NXPE4: variants seen among roughly 807,000 people sequenced by gnomAD.
NXPE4 encodes neurexophilin and PC-esterase domain family member 4, also known as NXPE family member 4.
In NXPE4, 42 loss-of-function variants were observed where a neutral mutation model predicts 33.3. The ratio of observed to expected loss-of-function variants is 1.26; its 90% CI spans 0.98 to 1.63. NXPE4 has a LOEUF of 1.63. Among genes scored for constraint, NXPE4 ranks in the 40% most tolerant of loss-of-function variants. The pLI, the probability that NXPE4 is intolerant of heterozygous loss-of-function variation, is 0.00. For synonymous variants in NXPE4, 253 were observed against 234.9 expected (o/e 1.08, Z -0.71); for missense variants, 709 against 647.6 (o/e 1.09, Z -1.03).
At chr11:114,655,742 A>G in the NXPE4 span, among the ~76,000 whole-genome samples, 1 of 152,058 alleles carries the variant, frequency 6.6e-6, no homozygotes, top group Non-Finnish European at 1.5e-5. Context: ...GTAAAATTCA[A>G]CATCTCTTCA....
At position 114,581,753 on chromosome 11, in the gene NXPE4, G is replaced by C; in HGVS notation, c.864C>G (p.Phe288Leu). The C allele has an allele frequency of 6.2e-7, 1 of 1,611,708 alleles. No individual in the cohort carries two copies. The highest frequency in any genetic ancestry group is 8.5e-7 in the Non-Finnish European group (1 of 1,178,850). The change falls in exon 4 of 6, where the codon TTC (phenylalanine) becomes TTG (leucine). Residue 288 changes from phenylalanine (F) to leucine (L), a missense_variant. By Grantham distance (22) the Phe-to-Leu change is conservative. Coordinates refer to ENST00000375478, the MANE Select transcript of NXPE4 (RefSeq NM_001077639.2). ...SNVGVEIMEK[F>L]NTISVSKCNK... Reference sequence around the variant, plus strand: ...TGCATTTGGAGACACTAATTGTATTGAATTTTTCCATAATCTCTACACCCA... The same window carrying C: ...TGCATTTGGAGACACTAATTGTATTCAATTTTTCCATAATCTCTACACCCA...
the NXPE4 span, among the ~76,000 whole-genome samples, chr11:114,638,258 G>A: frequency 2.0e-5 from 3 of 151,956 alleles, no homozygotes; most frequent in African/African-American, 4.8e-5. Flanking sequence ...GATCACATCA[G>A]CTCCTGAGGC....
chr11:114,619,202 A>G, the NXPE4 span, among the ~76,000 whole-genome samples: 2 of 148,714 alleles, frequency 1.3e-5, no homozygotes, highest in East Asian at 2.0e-4. Context: ...GATAATAAGT[A>G]TTGCCTCTAG....
the NXPE4 span, among the ~76,000 whole-genome samples, chr11:114,619,047 T>C: frequency 3.9e-5 from 6 of 152,124 alleles, no homozygotes; most frequent in Admixed American, 1.3e-4. Context: ...GCCTCATGGG[T>C]AACCACTGTT....
chr11:114,604,906 G>A, the NXPE4 span, among the ~76,000 whole-genome samples: 1 of 151,962 alleles, frequency 6.6e-6, no homozygotes, highest in Non-Finnish European at 1.5e-5. Flanking sequence ...TTACCCGGTG[G>A]ATAATTAGTG....
the NXPE4 span, among the ~76,000 whole-genome samples, chr11:114,602,603 TATA>T: frequency 5.0e-5 from 7 of 140,880 alleles, no homozygotes; most frequent in African/African-American, 1.0e-4. Flanking sequence ...CAGATTCATA[TATA>T]ATAATTATCT....
chr11:114,573,008 T>G (rs1591325281), intron 5 of NXPE4, among the ~76,000 whole-genome samples: 1 of 152,196 alleles, frequency 6.6e-6, no homozygotes, highest in African/African-American at 2.4e-5. Context: ...GATTAACAGC[T>G]GATTTCTCAG....
chr11:114,589,857 A>G (rs1185675056), intron 2 of NXPE4, among the ~76,000 whole-genome samples: 1 of 152,162 alleles, frequency 6.6e-6, no homozygotes, highest in East Asian at 1.9e-4. Context: ...GAGCACAAAA[A>G]CCCAATGCAG....
At chr11:114,603,532 A>G in the NXPE4 span, among the ~76,000 whole-genome samples, 2,424 of 150,446 alleles carry the variant, frequency 0.016, 22 homozygotes, top group Non-Finnish European at 0.025. Context: ...CTCGTCTCCC[A>G]GGTAACTCCT....
chr11:114,633,624 C>T, the NXPE4 span, among the ~76,000 whole-genome samples: 1 of 150,606 alleles, frequency 6.6e-6, no homozygotes, highest in Non-Finnish European at 1.5e-5. Flanking sequence ...CTGCCCCCAG[C>T]CCACAACTGT....
chr11:114,626,768 T>G, the NXPE4 span, among the ~76,000 whole-genome samples: 8 of 151,984 alleles, frequency 5.3e-5, no homozygotes, highest in African/African-American at 1.9e-4. Context: ...TTGAAAACTT[T>G]GAAAAAAATT....
chr11:114,653,621 G>T, the NXPE4 span, among the ~76,000 whole-genome samples: 1 of 149,934 alleles, frequency 6.7e-6, no homozygotes, highest in Non-Finnish European at 1.5e-5. Flanking sequence ...TTCAACTTCT[G>T]GGTTCATGCC....
chr11:114,606,006 C>G, the NXPE4 span, among the ~76,000 whole-genome samples: 1 of 151,760 alleles, frequency 6.6e-6, no homozygotes, highest in East Asian at 1.9e-4. Flanking sequence ...TAAGTATTGC[C>G]TCATGGGTAA....
In NXPE4 at chr11:114,571,189, G is replaced by T; in HGVS notation, c.1384C>A (p.Leu462Ile). ...LNVHKAIQHL[L>I]LRSPDTMVII... Reference sequence around the variant, plus strand: ...ACCATAGTGTCTGGGCTTCTCAGAAGAAGATGCTGAATGGCTTTGTGGACA... The same window carrying T: ...ACCATAGTGTCTGGGCTTCTCAGAATAAGATGCTGAATGGCTTTGTGGACA... The change falls in exon 6 of 6, where the codon CTT becomes ATT. Residue 462 changes from leucine (L) to isoleucine (I), a missense_variant. Transcript: ENST00000375478. 6.2e-7 allele frequency: 1 copy of T among 1,613,992 alleles called. No homozygotes were observed. The highest frequency in any genetic ancestry group is 8.5e-7 in the Non-Finnish European group (1 of 1,179,954).
At chr11:114,623,539 C>A in the NXPE4 span, among the ~76,000 whole-genome samples, 1 of 152,090 alleles carries the variant, frequency 6.6e-6, no homozygotes, top group South Asian at 2.1e-4. Flanking sequence ...AACACTGTTA[C>A]CTGGCAGATA....
At chr11:114,653,704 A>G in the NXPE4 span, among the ~76,000 whole-genome samples, 1 of 151,396 alleles carries the variant, frequency 6.6e-6, no homozygotes, top group Non-Finnish European at 1.5e-5. Flanking sequence ...ATTTTTTTGT[A>G]TTTTTAGTAG....
chr11:114,611,912 A>G, the NXPE4 span, among the ~76,000 whole-genome samples: 1 of 151,868 alleles, frequency 6.6e-6, no homozygotes, highest in African/African-American at 2.4e-5. Flanking sequence ...TACCTGCTGG[A>G]TACTAAATTT....
chr11:114,583,723 C>T, intron 2 of NXPE4: 1 of 545,434 alleles, frequency 1.8e-6, no homozygotes, highest in South Asian at 1.4e-5. Context: ...ATGATACAAT[C>T]TGGGCCACCT....
the NXPE4 span, among the ~76,000 whole-genome samples, chr11:114,629,433 C>T: frequency 6.6e-6 from 1 of 151,608 alleles, no homozygotes; most frequent in East Asian, 1.9e-4. Context: ...ATGATTATCT[C>T]AATAGATGCA....
Sources: gnomAD v4.1 joint callset for allele counts (sites outside exome capture counted in the v4.1 genomes callset) on GRCh38, gnomAD v4.1.1 for gene constraint, MANE v1.5 for transcripts, NCBI Gene and HGNC (gene_info 2026-07-23, HGNC 2026-07-21) for gene names.